The following GALNT18 variants were observed in gnomAD, a reference collection of about 807,000 sequenced individuals.
The protein encoded by GALNT18 is GalNAc-transferase 18.
A neutral mutation model predicts 69.5 loss-of-function variants in GALNT18; 44 were observed. That is an observed-to-expected ratio of 0.63 (90% CI 0.50 to 0.81). The LOEUF is 0.81. Ranked by LOEUF, GALNT18 falls within the 40% of genes least tolerant of loss-of-function variation. The pLI, the probability that GALNT18 is intolerant of heterozygous loss-of-function variation, is 0.00. For synonymous variants in GALNT18, 364 were observed against 318.2 expected (o/e 1.14, Z -1.53); for missense variants, 715 against 810.0 (o/e 0.88, Z 1.42).
At position 11,396,808 on chromosome 11, in the gene GALNT18, A is replaced by G. The variant is rs1019192211; in HGVS notation, c.596-17544T>C. On this transcript the variant is annotated intron_variant, in intron 3 of 10. Transcript: ENST00000227756. This position sits in a 1 kb window ranked among gnomAD's most constrained non-coding sequence, Gnocchi z 5.2. ...CTGTATTTCTGGCCCGCACTGCAGCATCAGTGGGGAGGAAAATAGGGAGGG... is the reference window on the plus strand; with the variant it reads ...CTGTATTTCTGGCCCGCACTGCAGCGTCAGTGGGGAGGAAAATAGGGAGGG... Among the ~76,000 whole-genome samples the G allele has an allele frequency of 3.0e-4, 46 of 152,160 alleles. No individual in the cohort carries two copies. Among genetic ancestry groups the G allele is most frequent in the African/African-American group, 1.0e-3 (43 of 41,444 alleles).
At chr11:11,279,646 TACAA>T (rs1364271758) in intron 10 of GALNT18, among the ~76,000 whole-genome samples, 18 of 152,160 alleles carry the variant, frequency 1.2e-4, no homozygotes, top group African/African-American at 2.4e-4. Context: ...CCAGACAAAA[TACAA>T]ACAAACATTA....
At chr11:11,457,587 G>A (rs1302380091) in intron 1 of GALNT18, among the ~76,000 whole-genome samples, 2 of 152,212 alleles carry the variant, frequency 1.3e-5, no homozygotes, top group Non-Finnish European at 1.5e-5. Context: ...CCTACCGAAG[G>A]GTCAGACAGA....
chr11:11,549,579 C>T (rs1858142734), intron 1 of GALNT18, among the ~76,000 whole-genome samples: 1 of 152,250 alleles, frequency 6.6e-6, no homozygotes, highest in Non-Finnish European at 1.5e-5. Context: ...TTAAGTGCTG[C>T]TCCACCCTTC....
rs1297579892 is a variant in GALNT18 at position 11,496,990 on chromosome 11, G to A, written c.236-48054C>T. On this transcript the variant is annotated intron_variant, in intron 1 of 10. Coordinates refer to ENST00000227756, the MANE Select transcript of GALNT18 (RefSeq NM_198516.3). The surrounding 1 kb of genome is among the most constrained non-coding windows in gnomAD (Gnocchi z 4.0). Reference sequence around the variant, plus strand: ...CAAATACTCCACCGTGGTCTCCAAGGGCCTCATCGGTCCTGCTCATCCCAT... The same window carrying A: ...CAAATACTCCACCGTGGTCTCCAAGAGCCTCATCGGTCCTGCTCATCCCAT... Among the ~76,000 whole-genome samples, 1 of 152,006 alleles carries A rather than the reference G, an allele frequency of 6.6e-6. No homozygotes were observed. Among genetic ancestry groups the A allele is most frequent in the East Asian group, 1.9e-4 (1 of 5,178 alleles).
intron 1 of GALNT18, among the ~76,000 whole-genome samples, chr11:11,556,178 C>T (rs1271453700): frequency 3.3e-5 from 5 of 152,180 alleles, no homozygotes; most frequent in South Asian, 2.1e-4. Context: ...GTTCCCACTA[C>T]GTGAAGTTGG....
Position 11,402,844 on chromosome 11 carries a change from C to A in GALNT18, c.596-23580G>T, listed in dbSNP as rs927176565. ...AGTGCTGTTGGCATCTGACAAGGAG[C>A]CTCAGGTGTCCCCACGGGCCCCGGA... is the stretch of plus-strand genomic sequence containing the variant. On this transcript the variant is annotated intron_variant, in intron 3 of 10. Transcript: ENST00000227756. The surrounding 1 kb of genome is among the most constrained non-coding windows in gnomAD (Gnocchi z 4.0). Among the ~76,000 whole-genome samples the A allele has an allele frequency of 6.6e-6, 1 of 152,272 alleles. No homozygotes were observed.
At chr11:11,298,399 C>A (rs949661157) in intron 9 of GALNT18, among the ~76,000 whole-genome samples, 1 of 152,260 alleles carries the variant, frequency 6.6e-6, no homozygotes, top group Non-Finnish European at 1.5e-5. Flanking sequence ...CTCAGGTAGG[C>A]AGTTGCTCTC....
chr11:11,438,827 CA>C (rs11297616), intron 2 of GALNT18, among the ~76,000 whole-genome samples: 78,927 of 152,018 alleles, frequency 0.52, 21,325 homozygotes, highest in Middle Eastern at 0.64. Flanking sequence ...ACAACATGGA[CA>C]AATACGATCA....
At chr11:11,507,242 T>C (rs1005148993) in intron 1 of GALNT18, among the ~76,000 whole-genome samples, 3 of 152,222 alleles carry the variant, frequency 2.0e-5, no homozygotes, top group Non-Finnish European at 2.9e-5. Context: ...GGAGAAATCA[T>C]TGAAACAAAT....
Position 11,337,572 on chromosome 11 carries a change from G to A in GALNT18, c.1278+3247C>T, listed in dbSNP as rs1442899319. Among the ~76,000 whole-genome samples, 1 of 152,178 alleles carries A rather than the reference G, an allele frequency of 6.6e-6. No individual in the cohort carries two copies. The highest frequency in any genetic ancestry group is 1.5e-5 in the Non-Finnish European group (1 of 68,038). On this transcript the variant is annotated intron_variant, in intron 7 of 10. Transcript: ENST00000227756. The surrounding 1 kb of genome is among the most constrained non-coding windows in gnomAD (Gnocchi z 4.9). ...GAACACTCTTTCACAGGCTGGTCAT[G>A]CAATGACAGAGAGATATTTAGGAGG... is the stretch of plus-strand genomic sequence containing the variant.
rs1290120800 is a variant in GALNT18, at chr11:11,387,268, T to G, written c.596-8004A>C. On this transcript the variant is annotated intron_variant, in intron 3 of 10. Transcript: ENST00000227756. This position sits in a 1 kb window ranked among gnomAD's most constrained non-coding sequence, Gnocchi z 4.6. ...TCTACTTGGCCATCTTTGGGTCTGA[T>G]GTTTTGGACTGTCCCCTGTCATTTC... is the stretch of plus-strand genomic sequence containing the variant. Among the ~76,000 whole-genome samples, 1 of 152,174 alleles carries G rather than the reference T, an allele frequency of 6.6e-6. No individual in the cohort carries two copies. Among genetic ancestry groups the G allele is most frequent in the Non-Finnish European group, 1.5e-5 (1 of 68,032 alleles).
chr11:11,500,531 A>G lies in GALNT18; in HGVS notation c.236-51595T>C, dbSNP rs1454045496. ...CGTGGTGGGTGGATGGAGATGCGCC[A>G]TGGGCATCTCTCAGTAGAAGGCAGC... is the stretch of plus-strand genomic sequence containing the variant. On this transcript the variant is annotated intron_variant, in intron 1 of 10. Transcript: ENST00000227756. This position sits in a 1 kb window ranked among gnomAD's most constrained non-coding sequence, Gnocchi z 5.0. Among the ~76,000 whole-genome samples the G allele has an allele frequency of 2.0e-5, 3 of 152,156 alleles. No homozygotes were observed. Among genetic ancestry groups the G allele is most frequent in the Admixed American group, 2.0e-4 (3 of 15,270 alleles).
At chr11:11,393,502 A>G (rs1299333750) in intron 3 of GALNT18, among the ~76,000 whole-genome samples, 3 of 152,276 alleles carry the variant, frequency 2.0e-5, no homozygotes, top group African/African-American at 7.2e-5. Context: ...ATGAACTGCC[A>G]ACATCAGCCT....
intron 6 of GALNT18, chr11:11,352,822 T>C (rs1311959986): frequency 1.8e-5 from 29 of 1,614,096 alleles, no homozygotes; most frequent in Admixed American, 3.3e-5. Context: ...TCTTTTACAA[T>C]GTCTGCCAGT....
intron 6 of GALNT18, among the ~76,000 whole-genome samples, chr11:11,371,346 T>C (rs1401776630): frequency 7.9e-5 from 12 of 151,998 alleles, no homozygotes; most frequent in Non-Finnish European, 1.8e-4. Flanking sequence ...AGGTTAGAGG[T>C]GAGAGGAGGG....
intron 9 of GALNT18, among the ~76,000 whole-genome samples, chr11:11,298,677 G>T (rs560854053): frequency 5.9e-5 from 9 of 152,248 alleles, no homozygotes; most frequent in Non-Finnish European, 1.2e-4. Flanking sequence ...CCAAGAAGGG[G>T]TCTCAGGGGC....
At chr11:11,468,073 C>G (rs1259042831) in intron 1 of GALNT18, among the ~76,000 whole-genome samples, 1 of 152,220 alleles carries the variant, frequency 6.6e-6, no homozygotes, top group Non-Finnish European at 1.5e-5. Context: ...ACAAAGCAAG[C>G]CTTCCTGTCT....
intron 1 of GALNT18, among the ~76,000 whole-genome samples, chr11:11,483,007 T>A (rs982789057): frequency 1.3e-5 from 2 of 152,328 alleles, no homozygotes; most frequent in South Asian, 4.1e-4. Flanking sequence ...ATATGGACAT[T>A]AAAATCTGCG....
intron 1 of GALNT18, among the ~76,000 whole-genome samples, chr11:11,576,880 T>A (rs1858938057): frequency 6.6e-6 from 1 of 152,254 alleles, no homozygotes. Flanking sequence ...TTTCATGGTG[T>A]GAACGCACAC....
Sources: gnomAD v4.1 joint callset for allele counts (sites outside exome capture counted in the v4.1 genomes callset) on GRCh38, gnomAD v4.1.1 for gene constraint, Gnocchi (gnomAD v3.1) non-coding constraint, MANE v1.5 for transcripts, NCBI Gene and HGNC (gene_info 2026-07-23, HGNC 2026-07-21) for gene names.